PCDHA11: variants seen among roughly 807,000 people sequenced by gnomAD.
PCDHA11 encodes protocadherin alpha-11.
In PCDHA11, 61 loss-of-function variants were observed where a neutral mutation model predicts 70.3. The observed-to-expected ratio is 0.87, with a 90% CI of 0.71 to 1.07. The LOEUF (loss-of-function observed/expected upper bound fraction) is 1.07. Among genes scored for constraint, PCDHA11 ranks in the 50% least tolerant of loss-of-function variants. The pLI, the probability that PCDHA11 is intolerant of heterozygous loss-of-function variation, is 0.00. For synonymous variants in PCDHA11, 633 were observed against 555.1 expected (o/e 1.14, Z -1.97); for missense variants, 1,324 against 1,237.5 (o/e 1.07, Z -1.05).
chr5:140,997,958 G>A (rs890356748), intron 3 of PCDHA11, among the ~76,000 whole-genome samples: 3 of 152,126 alleles, frequency 2.0e-5, no homozygotes, highest in Non-Finnish European at 2.9e-5. Context: ...TGGCATTCAC[G>A]TACCTGTGGT....
chr5:140,986,218 T>A (rs2153838096), intron 3 of PCDHA11, among the ~76,000 whole-genome samples: 1 of 152,304 alleles, frequency 6.6e-6, no homozygotes, highest in Non-Finnish European at 1.5e-5. Flanking sequence ...GGCCCCTTTC[T>A]CTAGCCTCCC....
intron 1 of PCDHA11, chr5:140,882,745 T>A (rs782756975): frequency 4.3e-6 from 7 of 1,614,124 alleles, no homozygotes; most frequent in African/African-American, 1.3e-5. Flanking sequence ...GCGCATCCGA[T>A]GCAGATATTG....
Position 140,868,969 on chromosome 5 carries a change from T to G in PCDHA11, c.-135T>G, listed in dbSNP as rs986271383. On this transcript the variant is annotated 5_prime_UTR_variant, in exon 1 of 4. Transcript: ENST00000398640. ...GTGAGGCACTCCCATACAAAGGAACTCCATCATACCGGATGCCACCGTTTA... is the reference window on the plus strand; with the variant it reads ...GTGAGGCACTCCCATACAAAGGAACGCCATCATACCGGATGCCACCGTTTA... 1 of 1,450,578 alleles carries G rather than the reference T, an allele frequency of 6.9e-7. No individual in the cohort carries two copies. Among genetic ancestry groups the G allele is most frequent in the South Asian group, 1.4e-5 (1 of 70,298 alleles). 89.9% of individuals were successfully genotyped at this position (1,450,578 alleles called of 1,614,324 possible). A position where few individuals can be genotyped will look rare whatever the true frequency, so the allele number is the denominator to read the frequency against.
At chr5:140,877,277 G>A in intron 1 of PCDHA11, 1 of 1,613,830 alleles carries the variant, frequency 6.2e-7, no homozygotes, top group South Asian at 1.1e-5. Context: ...GCTGACTCCG[G>A]CTATAACGCT....
intron 3 of PCDHA11, among the ~76,000 whole-genome samples, chr5:140,986,408 C>G (rs1587158509): frequency 6.6e-6 from 1 of 152,176 alleles, no homozygotes; most frequent in East Asian, 1.9e-4. Context: ...GCTCATGTTA[C>G]AGCTCTTTTT....
chr5:140,997,817 A>G (rs570760153), intron 3 of PCDHA11, among the ~76,000 whole-genome samples: 2 of 152,306 alleles, frequency 1.3e-5, no homozygotes, highest in South Asian at 4.1e-4. Flanking sequence ...GTTGGTATCT[A>G]TGTTTTCTAA....
At chr5:140,970,815 A>G (rs782758365) in intron 1 of PCDHA11, among the ~76,000 whole-genome samples, 2 of 152,114 alleles carry the variant, frequency 1.3e-5, no homozygotes, top group Non-Finnish European at 2.9e-5. Flanking sequence ...TTTCAAGTTC[A>G]TGGTAATCTT....
intron 1 of PCDHA11, among the ~76,000 whole-genome samples, chr5:140,965,496 AT>A (rs71766133): frequency 0.14 from 20,233 of 145,920 alleles, 1,374 homozygotes; most frequent in Middle Eastern, 0.21. Flanking sequence ...ATGACAGCAG[AT>A]TTTTTTTTTT....
chr5:140,914,944 C>CTTT (rs35695909), intron 1 of PCDHA11, among the ~76,000 whole-genome samples: 2 of 128,266 alleles, frequency 1.6e-5, no homozygotes, highest in Non-Finnish European at 3.3e-5. Context: ...GAAAAGTTGT[C>CTTT]TTTTTTTTTT....
chr5:140,883,558 G>A, intron 1 of PCDHA11: 2 of 1,614,190 alleles, frequency 1.2e-6, no homozygotes, highest in South Asian at 1.1e-5. Context: ...CGCGGGACGG[G>A]GGCTCGCCTT....
chr5:140,992,460 G>T (rs1554252924), intron 3 of PCDHA11, among the ~76,000 whole-genome samples: 1 of 152,170 alleles, frequency 6.6e-6, no homozygotes, highest in African/African-American at 2.4e-5. Context: ...GCAGAGGACA[G>T]TACTCTTTAG....
At chr5:140,885,427 G>A (rs1276398573) in intron 1 of PCDHA11, among the ~76,000 whole-genome samples, 1 of 152,092 alleles carries the variant, frequency 6.6e-6, no homozygotes, top group Admixed American at 6.5e-5. Flanking sequence ...ATTCCACAGT[G>A]TAAGTGTGCA....
rs782468691 is a variant in PCDHA11 at position 140,962,448 on chromosome 5, A to C, written c.2392-16501A>C. Reference sequence around the variant, plus strand: ...TGTTACTTATCCAAAGATGGCTTGAATCTCTTATGGCTTGAATCTCTTTGT... The same window carrying C: ...TGTTACTTATCCAAAGATGGCTTGACTCTCTTATGGCTTGAATCTCTTTGT... On this transcript the variant is annotated intron_variant, in intron 1 of 3. Coordinates refer to ENST00000398640, the MANE Select transcript of PCDHA11 (RefSeq NM_018902.5). Among the ~76,000 whole-genome samples the C allele has an allele frequency of 4.7e-4, 72 of 152,232 alleles. 1 individual carries two copies. The highest frequency in any genetic ancestry group is 6.8e-3 in the Middle Eastern group (2 of 294).
chr5:140,917,449 C>T (rs1290889939), intron 1 of PCDHA11, among the ~76,000 whole-genome samples: 2 of 152,006 alleles, frequency 1.3e-5, no homozygotes, highest in Admixed American at 6.6e-5. Context: ...GCTGCAAGAG[C>T]GTTTGGCATC....
chr5:140,891,893 CAAG>C (rs2063302978), intron 1 of PCDHA11, among the ~76,000 whole-genome samples: 1 of 152,210 alleles, frequency 6.6e-6, no homozygotes, highest in Non-Finnish European at 1.5e-5. Flanking sequence ...GACGATGCAG[CAAG>C]AAGATCTTCA....
At chr5:141,006,996 G>T (rs1206587874) in intron 3 of PCDHA11, among the ~76,000 whole-genome samples, 2 of 152,136 alleles carry the variant, frequency 1.3e-5, no homozygotes, top group African/African-American at 4.8e-5. Flanking sequence ...TAAAATATAA[G>T]TCTGCATCTC....
intron 3 of PCDHA11, among the ~76,000 whole-genome samples, chr5:141,002,329 A>C (rs2098072323): frequency 6.6e-6 from 1 of 152,226 alleles, no homozygotes; most frequent in Non-Finnish European, 1.5e-5. Context: ...GCCGGGCTGC[A>C]TCCGCACCCC....
In PCDHA11 at chr5:140,869,324, T is replaced by C. The variant is rs1581884799; in HGVS notation, c.221T>C (p.Leu74Pro). 1.9e-6 allele frequency: 3 copies of C among 1,613,876 alleles called. No individual in the cohort carries two copies. In the East Asian group the frequency reaches 6.7e-5, roughly 36 times the overall value. Residue 74 changes from leucine (L) to proline (P), a missense_variant, in exon 1 of 4, where the codon CTT (leucine) becomes CCT (proline). Leu to Pro is a moderately conservative substitution (Grantham distance 98, BLOSUM62 -3). Coordinates refer to ENST00000398640, the MANE Select transcript of PCDHA11 (RefSeq NM_018902.5). ...FRVASKTHGD[L>P]LEVNLQNGIL... Reference sequence around the variant, plus strand: ...GTGGCGTCCAAAACACATGGGGACCTTCTGGAGGTAAATCTGCAGAATGGC... The same window carrying C: ...GTGGCGTCCAAAACACATGGGGACCCTCTGGAGGTAAATCTGCAGAATGGC...
chr5:140,871,476 G>A lies in PCDHA11; in HGVS notation c.2373G>A (p.Gly791=), dbSNP rs1437006996. The change falls in exon 1 of 4, where the codon GGG becomes GGA. Residue 791 remains glycine (G), a synonymous_variant. Transcript: ENST00000398640. ...KEEEGERQEP[G]SNHPGQPRQP... ...AGGAAGGGGAAAGACAGGAGCCAGG[G>A]TCAAATCACCCCGGACAGGTGAGTT... 1 of 1,598,568 alleles carries A rather than the reference G, an allele frequency of 6.3e-7. No homozygotes were observed. The highest frequency in any genetic ancestry group is 1.7e-5 in the Admixed American group (1 of 57,424).
Sources: allele counts gnomAD v4.1 joint callset (sites outside exome capture counted in the v4.1 genomes callset), GRCh38; gene constraint gnomAD v4.1.1; transcripts MANE v1.5; gene names NCBI Gene and HGNC (gene_info 2026-07-23, HGNC 2026-07-21).